The following NADSYN1 variants were observed in gnomAD, a reference collection of about 807,000 sequenced individuals.
NADSYN1 encodes glutamine-dependent NAD(+) synthetase.
NADSYN1 carries 80 observed loss-of-function variants against 99.3 expected under a neutral mutation model. The observed-to-expected ratio is 0.81, with a 90% CI of 0.67 to 0.97. The LOEUF is 0.97. NADSYN1 is among the 50% of genes least tolerant of loss of function. The pLI is 0.00. For missense variants in NADSYN1, 859 were observed against 948.5 expected, an observed-to-expected ratio of 0.91 and a Z score of 1.24; for synonymous variants, 385 against 372.1, an observed-to-expected ratio of 1.03 and a Z score of -0.40.
chr11:71,478,455 T>A lies in NADSYN1; in HGVS notation c.859T>A (p.Ser287Thr). 1 of 1,606,550 alleles carries A rather than the reference T, an allele frequency of 6.2e-7. No homozygotes were observed. The change falls in exon 10 of 21, where the codon TCT becomes ACT. Residue 287 changes from serine to threonine, a missense_variant. Coordinates refer to ENST00000319023, the MANE Select transcript of NADSYN1 (RefSeq NM_018161.5). Reference sequence around the variant, plus strand: ...CCGGAGCTACAGGGCGGAGATTTCATCTCGAAACCTGGCGGTGAGTGCTCC... The same window carrying A: ...CCGGAGCTACAGGGCGGAGATTTCAACTCGAAACCTGGCGGTGAGTGCTCC... ...DVRSYRAEIS[S>T]RNLAASRASP...
At chr11:71,473,462 C>G in intron 7 of NADSYN1, 96 bp downstream of exon 7, 1 of 1,532,062 alleles carries the variant, frequency 6.5e-7, no homozygotes, top group Non-Finnish European at 9.0e-7. Flanking sequence ...GTGGCCGTGG[C>G]CGTGGCCGTG....
rs1949641573 is a variant in NADSYN1 at position 71,473,376 on chromosome 11, A to G, written c.548+10A>G. 6.2e-7 allele frequency: 1 copy of G among 1,613,238 alleles called. No homozygotes were observed. Among genetic ancestry groups the G allele is most frequent in the Admixed American group, 1.7e-5 (1 of 60,030 alleles). Reference sequence around the variant, plus strand: ...TCTGGACACCCCACAGGTCAGCCCCATGCCCCTGTGCTGTCTGATCGCCCA... The same window carrying G: ...TCTGGACACCCCACAGGTCAGCCCCGTGCCCCTGTGCTGTCTGATCGCCCA... On this transcript the variant is annotated intron_variant, in intron 7 of 20. Transcript: ENST00000319023.
chr11:71,476,198 C>G, intron 9 of NADSYN1: 1 of 432,146 alleles, frequency 2.3e-6, no homozygotes, highest in African/African-American at 2.0e-5. Context: ...CTCCCACACA[C>G]AGCATTGCCT....
intron 20 of NADSYN1, 59 bp downstream of exon 20, chr11:71,498,587 GT>G: frequency 1.9e-6 from 3 of 1,572,312 alleles, no homozygotes; most frequent in Non-Finnish European, 2.6e-6. Context: ...GAAACGTGAG[GT>G]TATTTCCATG....
chr11:71,462,265 T>A (rs146745292), intron 3 of NADSYN1, among the ~76,000 whole-genome samples: 2 of 152,296 alleles, frequency 1.3e-5, no homozygotes, highest in African/African-American at 4.8e-5. Context: ...TTACAGTCTG[T>A]TCTCTCTGAA....
rs1395046874 is a variant in NADSYN1 at position 71,491,917 on chromosome 11, C to T, written c.1764+14C>T. 6.2e-7 allele frequency: 1 copy of T among 1,612,378 alleles called. No individual in the cohort carries two copies. Among genetic ancestry groups the T allele is most frequent in the East Asian group, 2.2e-5 (1 of 44,828 alleles). ...CAGACCGACGAGGTAATGGCGGTGG[C>T]TTTGCCATGATGCTTCCTGCCCTCC... On this transcript the variant is annotated intron_variant, in intron 18 of 20. Coordinates refer to ENST00000319023, the MANE Select transcript of NADSYN1 (RefSeq NM_018161.5).
intron 9 of NADSYN1, among the ~76,000 whole-genome samples, chr11:71,478,167 G>A (rs1483603071): frequency 6.6e-6 from 1 of 152,076 alleles, no homozygotes; most frequent in Non-Finnish European, 1.5e-5. Flanking sequence ...TGTGATTAGT[G>A]GGTCACTGGC....
At chr11:71,467,001 A>C (rs1949596548) in intron 5 of NADSYN1, among the ~76,000 whole-genome samples, 1 of 152,128 alleles carries the variant, frequency 6.6e-6, no homozygotes, top group South Asian at 2.1e-4. Context: ...ATCCAATAGG[A>C]GACACCTCTG....
At chr11:71,483,219 C>T (rs1008556909) in intron 14 of NADSYN1, among the ~76,000 whole-genome samples, 13 of 152,150 alleles carry the variant, frequency 8.5e-5, no homozygotes, top group African/African-American at 3.1e-4. Context: ...TTTGTTTCTC[C>T]TGTCATCAGC....
At chr11:71,481,843 C>A in intron 12 of NADSYN1, 80 bp from the exon 13 acceptor site, 2 of 1,313,710 alleles carry the variant, frequency 1.5e-6, no homozygotes, top group South Asian at 2.6e-5. Context: ...TCCTTGAGGT[C>A]TATGGGTGGA....
At chr11:71,497,189 T>C in intron 18 of NADSYN1, 1 of 390,842 alleles carries the variant, frequency 2.6e-6, no homozygotes, top group Non-Finnish European at 4.8e-6. Context: ...ACACTCTTTT[T>C]CCAAATAAAG....
intron 5 of NADSYN1, among the ~76,000 whole-genome samples, chr11:71,469,871 A>C (rs973028845): frequency 6.9e-6 from 1 of 145,694 alleles, no homozygotes; most frequent in South Asian, 2.3e-4. Flanking sequence ...GCCTGCAGCA[A>C]ACTGTGATTG....
intron 8 of NADSYN1, 88 bp from the exon 9 acceptor site, chr11:71,474,307 C>G (rs968216946): frequency 2.9e-5 from 45 of 1,555,088 alleles, no homozygotes; most frequent in Admixed American, 1.5e-4. Flanking sequence ...CCTAGCGGGA[C>G]TCGGCGGAGG....
chr11:71,498,792 C>T, intron 20 of NADSYN1: 1 of 350,202 alleles, frequency 2.9e-6, no homozygotes, highest in Non-Finnish European at 5.3e-6. Flanking sequence ...CAAGCTATTT[C>T]ACATGTGCGT....
chr11:71,464,430 C>T, intron 5 of NADSYN1: 3 of 308,120 alleles, frequency 9.7e-6, no homozygotes, highest in Non-Finnish European at 1.2e-5. Flanking sequence ...AGAGGCTTCC[C>T]ATCGGTTACT....
intron 16 of NADSYN1, among the ~76,000 whole-genome samples, chr11:71,487,630 G>A (rs1949750606): frequency 6.6e-6 from 1 of 152,066 alleles, no homozygotes; most frequent in African/African-American, 2.4e-5. Context: ...AGGAGATCGA[G>A]ACCATCCTGG....
intron 3 of NADSYN1, chr11:71,458,830 C>A: frequency 3.0e-6 from 1 of 329,220 alleles, no homozygotes; most frequent in South Asian, 3.4e-5. Context: ...ATTCACCCCA[C>A]CCCGTGCAGA....
chr11:71,459,481 G>A (rs1182237751), intron 3 of NADSYN1, among the ~76,000 whole-genome samples: 1 of 151,796 alleles, frequency 6.6e-6, no homozygotes, highest in African/African-American at 2.4e-5. Context: ...CTCTGCACGT[G>A]CTGTGCTGGT....
chr11:71,492,343 T>C (rs944490330), intron 18 of NADSYN1, among the ~76,000 whole-genome samples: 2 of 152,294 alleles, frequency 1.3e-5, no homozygotes, highest in East Asian at 3.9e-4. Context: ...TCCATGACAC[T>C]CCAGCCTCTT....
Sources: allele counts gnomAD v4.1 joint callset (sites outside exome capture counted in the v4.1 genomes callset), GRCh38; gene constraint gnomAD v4.1.1; transcripts MANE v1.5; gene names NCBI Gene and HGNC (gene_info 2026-07-23, HGNC 2026-07-21).